The following GRID2 variants were observed in gnomAD, a reference collection of about 807,000 sequenced individuals.
The protein encoded by GRID2 is glutamate ionotropic receptor delta type subunit 2.
In GRID2, 33 loss-of-function variants were observed where a neutral mutation model predicts 114.8. The observed-to-expected ratio is 0.29, with a 90% CI of 0.22 to 0.38. The LOEUF (loss-of-function observed/expected upper bound fraction) is 0.38. GRID2 is among the 10% of genes least tolerant of loss of function. The pLI, the probability that GRID2 is intolerant of heterozygous loss-of-function variation, is 1.00. For synonymous variants in GRID2, 505 were observed against 449.9 expected (o/e 1.12, Z -1.55); for missense variants, 1,184 against 1,257.7 (o/e 0.94, Z 0.89).
chr4:92,787,686 G>T (rs776680098), intron 2 of GRID2, among the ~76,000 whole-genome samples: 1 of 151,848 alleles, frequency 6.6e-6, no homozygotes, highest in African/African-American at 2.4e-5. Flanking sequence ...GCCCAGAGAG[G>T]TACATAATTA....
chr4:93,260,762 T>C (rs757172083), intron 8 of GRID2, among the ~76,000 whole-genome samples: 9 of 151,816 alleles, frequency 5.9e-5, no homozygotes, highest in African/African-American at 4.8e-5. Flanking sequence ...CTGATTCACT[T>C]ATAGTGAATT....
intron 2 of GRID2, among the ~76,000 whole-genome samples, chr4:92,945,135 T>C (rs560957562): frequency 6.6e-6 from 1 of 152,314 alleles, no homozygotes; most frequent in African/African-American, 2.4e-5. Flanking sequence ...TGTGTAATGC[T>C]ATTTTATTGC....
chr4:93,080,386 A>G (rs1349852656), intron 2 of GRID2, among the ~76,000 whole-genome samples: 1 of 152,178 alleles, frequency 6.6e-6, no homozygotes, highest in Non-Finnish European at 1.5e-5. Context: ...AAAAAATAAT[A>G]AAAAGTCAAC....
At chr4:92,439,114 ACAGT>A (rs943056283) in intron 1 of GRID2, among the ~76,000 whole-genome samples, 1 of 151,660 alleles carries the variant, frequency 6.6e-6, no homozygotes, top group Non-Finnish European at 1.5e-5. Context: ...AAGGAAAATT[ACAGT>A]CAAAGGGGGC....
intron 1 of GRID2, among the ~76,000 whole-genome samples, chr4:92,431,284 C>A (rs1732428958): frequency 6.6e-6 from 1 of 151,976 alleles, no homozygotes; most frequent in South Asian, 2.1e-4. Flanking sequence ...TTTTATCTAT[C>A]CCCAGTTTTT....
At chr4:93,768,355 C>T (rs1039862985) in intron 14 of GRID2, among the ~76,000 whole-genome samples, 6 of 152,190 alleles carry the variant, frequency 3.9e-5, no homozygotes, top group Admixed American at 2.6e-4. Flanking sequence ...AGGGCCACAT[C>T]TAGGCTGGCC....
At chr4:93,042,716 G>GAT (rs892364731) in intron 2 of GRID2, among the ~76,000 whole-genome samples, 2 of 133,934 alleles carry the variant, frequency 1.5e-5, no homozygotes, top group South Asian at 2.5e-4. Context: ...TATATATATA[G>GAT]ATATATAGAG....
chr4:93,349,822 A>G (rs1760615735), intron 8 of GRID2, among the ~76,000 whole-genome samples: 3 of 152,222 alleles, frequency 2.0e-5, no homozygotes, highest in African/African-American at 7.2e-5. Flanking sequence ...AACAATAAAA[A>G]TGCCTTCTCT....
intron 8 of GRID2, among the ~76,000 whole-genome samples, chr4:93,346,545 T>C (rs577709424): frequency 6.6e-6 from 1 of 152,316 alleles, no homozygotes; most frequent in South Asian, 2.1e-4. Flanking sequence ...GTGGACTAAG[T>C]GCAAGAGGAG....
chr4:92,630,073 G>A (rs943830356), intron 2 of GRID2, among the ~76,000 whole-genome samples: 2 of 151,784 alleles, frequency 1.3e-5, no homozygotes, highest in Admixed American at 6.6e-5. Flanking sequence ...ATTCATTTTG[G>A]AAACATTTCT....
chr4:92,448,726 T>C (rs956159943), intron 1 of GRID2, among the ~76,000 whole-genome samples: 1 of 152,124 alleles, frequency 6.6e-6, no homozygotes, highest in Non-Finnish European at 1.5e-5. Context: ...ATTTCAATTA[T>C]TAAAATCAAA....
intron 11 of GRID2, among the ~76,000 whole-genome samples, chr4:93,460,345 T>A (rs1723625594): frequency 6.6e-6 from 1 of 152,200 alleles, no homozygotes; most frequent in African/African-American, 2.4e-5. Flanking sequence ...AAGACAAGAC[T>A]CTTTCCTAAC....
chr4:92,833,539 C>A (rs1428087527), intron 2 of GRID2: 1 of 152,130 alleles, frequency 6.6e-6, no homozygotes, highest in Non-Finnish European at 1.5e-5. Context: ...CTTATTCAGA[C>A]AGAAGAAGTA....
intron 2 of GRID2, among the ~76,000 whole-genome samples, chr4:92,858,523 T>C (rs928710977): frequency 7.2e-5 from 11 of 152,136 alleles, no homozygotes. Flanking sequence ...TGCTGCAATC[T>C]TATGATAAAA....
chr4:93,497,784 A>G (rs1560683666), intron 12 of GRID2, among the ~76,000 whole-genome samples: 1 of 151,586 alleles, frequency 6.6e-6, no homozygotes, highest in Non-Finnish European at 1.5e-5. Flanking sequence ...CTTCCCACCT[A>G]TTTTTTCAGA....
Position 93,619,771 on chromosome 4 carries a change from A to AT in GRID2, c.2194-6498_2194-6497insT, listed in dbSNP as rs554636320. 3.2e-3 allele frequency among the ~76,000 whole-genome samples: 484 copies of AT among 152,136 alleles called. 2 individuals carry two copies. The highest frequency in any genetic ancestry group is 0.011 in the African/African-American group (445 of 41,468). ...TAAGCAACCTTTTTCTTAAAAGCCC[A>AT]ATTTTTTTTTACCTTAATACCGTGA... On this transcript the variant is annotated intron_variant, in intron 13 of 15. Coordinates refer to ENST00000282020, the MANE Select transcript of GRID2 (RefSeq NM_001510.4).
chr4:92,462,993 A>C (rs2149089257), intron 1 of GRID2, among the ~76,000 whole-genome samples: 1 of 152,136 alleles, frequency 6.6e-6, no homozygotes, highest in East Asian at 1.9e-4. Context: ...AAGAGACAGA[A>C]ATAAATGTAT....
chr4:93,019,800 G>T (rs999864627), intron 2 of GRID2, among the ~76,000 whole-genome samples: 2 of 152,096 alleles, frequency 1.3e-5, no homozygotes, highest in Admixed American at 6.6e-5. Flanking sequence ...ATCGTTTTAA[G>T]AGAGATATTA....
intron 1 of GRID2, among the ~76,000 whole-genome samples, chr4:92,453,434 G>T (rs1367475997): frequency 6.6e-6 from 1 of 152,046 alleles, no homozygotes; most frequent in Admixed American, 6.6e-5. Context: ...ATGGCCTCAC[G>T]TATGTATATT....
Sources: allele counts gnomAD v4.1 joint callset (sites outside exome capture counted in the v4.1 genomes callset), GRCh38; gene constraint gnomAD v4.1.1; transcripts MANE v1.5; gene names NCBI Gene and HGNC (gene_info 2026-07-23, HGNC 2026-07-21).